Variants in GBE1 observed in about 807,000 individuals in gnomAD.
The protein encoded by GBE1 is 1,4-alpha-glucan branching enzyme 1, also known as 1,4-alpha-glucan-branching enzyme.
Under a neutral mutation model 88.8 loss-of-function variants are expected in GBE1, and 70 were observed. That is an observed-to-expected ratio of 0.79 (90% CI 0.65 to 0.96). The LOEUF (loss-of-function observed/expected upper bound fraction) is 0.96, where lower values mean the gene tolerates loss of function less well. Ranked by LOEUF, GBE1 falls within the 40% of genes least tolerant of loss-of-function variation. GBE1 has a pLI of 0.00. For synonymous variants in GBE1, 284 were observed against 300.1 expected, an observed-to-expected ratio of 0.95 and a Z score of 0.56; for missense variants, 872 against 871.0, an observed-to-expected ratio of 1.00 and a Z score of -0.01.
At chr3:81,735,740 A>G (rs1297742288) in intron 1 of GBE1, among the ~76,000 whole-genome samples, 1 of 152,166 alleles carries the variant, frequency 6.6e-6, no homozygotes, top group Admixed American at 6.5e-5. Context: ...CATTTGTGGT[A>G]GTATTTCATG....
intron 1 of GBE1, among the ~76,000 whole-genome samples, chr3:81,726,311 G>A (rs975046930): frequency 9.2e-5 from 14 of 152,050 alleles, no homozygotes; most frequent in African/African-American, 2.9e-4. Flanking sequence ...ATGCTTCAGT[G>A]CCACTGCTTT....
At chr3:81,593,767 T>C (rs1169150481) in intron 8 of GBE1, 141 bp downstream of exon 8, 35 of 569,254 alleles carry the variant, frequency 6.1e-5, no homozygotes, top group Non-Finnish European at 8.8e-5. Flanking sequence ...AATGTACTTA[T>C]AATCTACCTT....
intron 7 of GBE1, among the ~76,000 whole-genome samples, chr3:81,603,651 C>T (rs1434784892): frequency 2.6e-5 from 4 of 152,018 alleles, no homozygotes; most frequent in Admixed American, 6.6e-5. Context: ...CCCACCACCA[C>T]GCCCAGCTAA....
chr3:81,599,719 C>T (rs370293890), intron 7 of GBE1, among the ~76,000 whole-genome samples: 7 of 152,158 alleles, frequency 4.6e-5, no homozygotes, highest in African/African-American at 1.7e-4. Context: ...TAGGTATATA[C>T]ACACACACCC....
chr3:81,622,191 C>T (rs533581585), intron 7 of GBE1, among the ~76,000 whole-genome samples: 1 of 152,300 alleles, frequency 6.6e-6, no homozygotes, highest in East Asian at 1.9e-4. Context: ...CCATATGAAT[C>T]AGAATTTCAG....
chr3:81,508,421 A>G (rs1301994575), intron 14 of GBE1, among the ~76,000 whole-genome samples: 1 of 152,130 alleles, frequency 6.6e-6, no homozygotes, highest in East Asian at 1.9e-4. Context: ...AAATTCAATT[A>G]TCTGATGAAG....
chr3:81,732,327 C>T (rs1706199982), intron 1 of GBE1, among the ~76,000 whole-genome samples: 1 of 152,132 alleles, frequency 6.6e-6, no homozygotes, highest in Non-Finnish European at 1.5e-5. Context: ...CCACATCCGA[C>T]TAAAATCCCA....
intron 15 of GBE1, among the ~76,000 whole-genome samples, chr3:81,495,646 G>A (rs903865683): frequency 3.9e-5 from 6 of 152,094 alleles, no homozygotes; most frequent in Non-Finnish European, 7.4e-5. Context: ...GTACAGAAAT[G>A]TATATTAGCT....
chr3:81,750,635 A>ATGTG (rs1706506907), intron 1 of GBE1, among the ~76,000 whole-genome samples: 1 of 59,368 alleles, frequency 1.7e-5, no homozygotes, highest in African/African-American at 1.0e-4. Context: ...ATATACGTAT[A>ATGTG]TATATATATG....
At chr3:81,530,269 C>A (rs568146450) in intron 14 of GBE1, among the ~76,000 whole-genome samples, 1 of 149,910 alleles carries the variant, frequency 6.7e-6, no homozygotes, top group Non-Finnish European at 1.5e-5. Flanking sequence ...ATTGCTATTT[C>A]ATTTTTTTTT....
intron 2 of GBE1, among the ~76,000 whole-genome samples, chr3:81,704,950 G>A (rs1262577470): frequency 1.3e-5 from 2 of 151,962 alleles, no homozygotes; most frequent in African/African-American, 4.8e-5. Flanking sequence ...CTAAAACAAG[G>A]TAAAGGAAAA....
At chr3:81,502,230 A>AGG (rs1403473189) in intron 14 of GBE1, among the ~76,000 whole-genome samples, 6 of 152,286 alleles carry the variant, frequency 3.9e-5, no homozygotes, top group African/African-American at 1.4e-4. Context: ...TTTCTCAATC[A>AGG]AAGGACAGTA....
In GBE1 at chr3:81,532,540, A is replaced by T. The variant is rs563106955; in HGVS notation, c.1934+2655T>A. Among the ~76,000 whole-genome samples, 3 of 152,036 alleles carry T rather than the reference A, an allele frequency of 2.0e-5. No individual in the cohort carries two copies. The East Asian group carries it at 5.8e-4, about 30-fold the overall frequency. ...CTAATTATCTTTTAGGTGTACTGCA[A>T]TTTCTCATAATTAATATCTGTACTT... On this transcript the variant is annotated intron_variant, in intron 14 of 15. Coordinates refer to ENST00000429644, the MANE Select transcript of GBE1 (RefSeq NM_000158.4).
chr3:81,555,304 C>T (rs1703332247), intron 12 of GBE1, among the ~76,000 whole-genome samples: 1 of 152,148 alleles, frequency 6.6e-6, no homozygotes, highest in African/African-American at 2.4e-5. Flanking sequence ...GATAATGGCG[C>T]TTAAACACAA....
rs531225601 is a variant in GBE1, at chr3:81,628,777, A to ATATATG, written c.992+14003_992+14004insCATATA. On this transcript the variant is annotated intron_variant, in intron 7 of 15. Transcript: ENST00000429644. Reference sequence around the variant, plus strand: ...TATATATATATATATATATATATATATATATAGCAACAGAGTATGTTACTA... The same window carrying ATATATG: ...TATATATATATATATATATATATATATATATGTATATAGCAACAGAGTATGTTACTA... Among the ~76,000 whole-genome samples, 94 of 133,696 alleles carry ATATATG rather than the reference A, an allele frequency of 7.0e-4. 3 individuals carry two copies. Among genetic ancestry groups the ATATATG allele is most frequent in the Admixed American group, 6.7e-3 (83 of 12,376 alleles). The allele number at this position is 133,696 out of a possible 152,430, so 87.7% of individuals were successfully genotyped here. A position where few individuals can be genotyped will look rare whatever the true frequency, so the allele number is the denominator to read the frequency against.
At chr3:81,496,663 G>A (rs186576561) in intron 15 of GBE1, among the ~76,000 whole-genome samples, 1 of 152,224 alleles carries the variant, frequency 6.6e-6, no homozygotes, top group Admixed American at 6.5e-5. Flanking sequence ...AGTTTAATAA[G>A]GAGTTCTCTT....
intron 14 of GBE1, among the ~76,000 whole-genome samples, chr3:81,518,327 G>A (rs1702825058): frequency 6.6e-6 from 1 of 150,456 alleles, no homozygotes; most frequent in African/African-American, 2.4e-5. Flanking sequence ...GCACCGTGAT[G>A]GCTATTCAAA....
intron 7 of GBE1, among the ~76,000 whole-genome samples, chr3:81,630,685 G>A (rs1221076580): frequency 2.0e-5 from 3 of 152,020 alleles, no homozygotes; most frequent in Non-Finnish European, 2.9e-5. Context: ...TGCCCTAAGT[G>A]TAAAATACAC....
intron 7 of GBE1, among the ~76,000 whole-genome samples, chr3:81,619,349 C>T (rs959088221): frequency 6.6e-6 from 1 of 152,016 alleles, no homozygotes; most frequent in Admixed American, 6.5e-5. Flanking sequence ...TTAGATGGAA[C>T]AAAATGGTTT....
Sources: allele counts gnomAD v4.1 joint callset (sites outside exome capture counted in the v4.1 genomes callset), GRCh38; gene constraint gnomAD v4.1.1; transcripts MANE v1.5; gene names NCBI Gene and HGNC (gene_info 2026-07-23, HGNC 2026-07-21).